GFRA1: variants seen among roughly 807,000 people sequenced by gnomAD.
GFRA1 encodes GDNF family receptor alpha 1, also known as GDNF family receptor alpha-1.
In GFRA1, 16 loss-of-function variants were observed where a neutral mutation model predicts 51.6. The ratio of observed to expected loss-of-function variants is 0.31; its 90% CI spans 0.21 to 0.47. The LOEUF (loss-of-function observed/expected upper bound fraction) is 0.47, where lower values mean the gene tolerates loss of function less well. GFRA1 is among the 20% of genes least tolerant of loss of function. The pLI is 1.00. For missense variants in GFRA1, 530 were observed against 594.3 expected (o/e 0.89, Z 1.13); for synonymous variants, 270 against 241.3 (o/e 1.12, Z -1.10).
chr10:116,158,607 GA>G (rs988278072), intron 5 of GFRA1, among the ~76,000 whole-genome samples: 1 of 152,208 alleles, frequency 6.6e-6, no homozygotes. Flanking sequence ...TTATTCCAGA[GA>G]AAAAGCCAGC....
chr10:116,207,683 G>A (rs780487550), intron 5 of GFRA1, among the ~76,000 whole-genome samples: 1 of 152,042 alleles, frequency 6.6e-6, no homozygotes, highest in Non-Finnish European at 1.5e-5. Flanking sequence ...CAGAAAAGTG[G>A]CTTTTTAAAA....
In GFRA1 at chr10:116,060,298, C is replaced by A. The variant is rs965292821; in HGVS notation, c.*4100G>T. 1.3e-5 allele frequency: 2 copies of A among 152,148 alleles called. No homozygotes were observed. Among genetic ancestry groups the A allele is most frequent in the African/African-American group, 4.8e-5 (2 of 41,440 alleles). The allele number at this position is 152,148 out of a possible 1,614,324, so 9.4% of individuals were successfully genotyped here. ...AAATGTAGCTTCTAAGGGTATCCAACCAAATCCCCACTTGTTTTATTTTAG... is the reference window on the plus strand; with the variant it reads ...AAATGTAGCTTCTAAGGGTATCCAAACAAATCCCCACTTGTTTTATTTTAG... On this transcript the variant is annotated 3_prime_UTR_variant, in exon 11 of 11. Transcript: ENST00000355422.
intron 6 of GFRA1, among the ~76,000 whole-genome samples, chr10:116,109,330 A>G (rs886900902): frequency 1.3e-5 from 2 of 152,186 alleles, no homozygotes; most frequent in Non-Finnish European, 2.9e-5. Flanking sequence ...TTTAATGTGA[A>G]GTATGTGCTG....
rs1954765295 is a variant in GFRA1, at chr10:116,060,668, A to G, written c.*3730T>C. 6.6e-6 allele frequency: 1 copy of G among 152,198 alleles called. No individual in the cohort carries two copies. Among genetic ancestry groups the G allele is most frequent in the Non-Finnish European group, 1.5e-5 (1 of 68,036 alleles). The allele number at this position is 152,198 out of a possible 1,614,324, so 9.4% of individuals were successfully genotyped here. A position where few individuals can be genotyped will look rare whatever the true frequency, so the allele number is the denominator to read the frequency against. ...GTCACATAGTCTGATGTGCTTTATC[A>G]AAGAACAGAGGCAAGAGCAAGACAG... On this transcript the variant is annotated 3_prime_UTR_variant, in exon 11 of 11. Transcript: ENST00000355422.
intron 6 of GFRA1, among the ~76,000 whole-genome samples, chr10:116,099,670 C>A (rs544283584): frequency 1.3e-5 from 2 of 152,260 alleles, no homozygotes; most frequent in South Asian, 4.1e-4. Flanking sequence ...GGATTCCTGT[C>A]CATCCCACTG....
chr10:116,176,546 A>G (rs537634513), intron 5 of GFRA1, among the ~76,000 whole-genome samples: 6 of 151,878 alleles, frequency 4.0e-5, no homozygotes, highest in Non-Finnish European at 8.8e-5. Context: ...ACCTTCTGCC[A>G]TGATTGAAAG....
chr10:116,249,706 T>TAC, intron 4 of GFRA1, among the ~76,000 whole-genome samples: 1 of 152,284 alleles, frequency 6.6e-6, no homozygotes, highest in Admixed American at 6.5e-5. Context: ...TTACTATGCA[T>TAC]TTGTTCACTC....
chr10:116,159,061 A>T (rs1045751932), intron 5 of GFRA1, among the ~76,000 whole-genome samples: 5 of 152,188 alleles, frequency 3.3e-5, no homozygotes, highest in East Asian at 1.9e-4. Flanking sequence ...CATTTTTTTT[A>T]AAAAGTGCCA....
At chr10:116,146,891 A>G (rs944433189) in intron 5 of GFRA1, among the ~76,000 whole-genome samples, 3 of 152,198 alleles carry the variant, frequency 2.0e-5, no homozygotes, top group African/African-American at 7.2e-5. Context: ...ATTCATGTAA[A>G]TGCACTACAA....
At chr10:116,203,480 A>T (rs759876506) in intron 5 of GFRA1, among the ~76,000 whole-genome samples, 1 of 152,224 alleles carries the variant, frequency 6.6e-6, no homozygotes, top group Non-Finnish European at 1.5e-5. Flanking sequence ...CCTTCACAGC[A>T]GGTCTCCAAA....
chr10:116,250,665 C>T (rs1200916256), intron 4 of GFRA1, among the ~76,000 whole-genome samples: 5 of 152,124 alleles, frequency 3.3e-5, no homozygotes, highest in Non-Finnish European at 5.9e-5. Context: ...TCTCAGAATT[C>T]TAGGATAGTG....
chr10:116,064,624 C>CG lies in GFRA1; in HGVS notation c.1252-81dup, dbSNP rs549252248. 7.6e-4 allele frequency: 1,001 copies of CG among 1,308,794 alleles called. 13 individuals carry two copies. In the South Asian group the frequency reaches 8.9e-3, roughly 12 times the overall value. 81.1% of individuals were successfully genotyped at this position (1,308,794 alleles called of 1,614,324 possible). A position where few individuals can be genotyped will look rare whatever the true frequency, so the allele number is the denominator to read the frequency against. ...GTATACTTTACACTCTCTCTCCCCC[C>CG]GACTCCCCACTGGCTGACCCACTCA... On this transcript the variant is annotated intron_variant, in intron 10 of 10. Coordinates refer to ENST00000355422, the MANE Select transcript of GFRA1 (RefSeq NM_005264.8).
intron 4 of GFRA1, among the ~76,000 whole-genome samples, chr10:116,217,482 T>G (rs1466488437): frequency 6.7e-6 from 1 of 149,808 alleles, no homozygotes; most frequent in Non-Finnish European, 1.5e-5. Context: ...TTAAACTCTA[T>G]GAGTCTTCAT....
chr10:116,247,248 G>A (rs1275203586), intron 4 of GFRA1, among the ~76,000 whole-genome samples: 1 of 152,128 alleles, frequency 6.6e-6, no homozygotes, highest in African/African-American at 2.4e-5. Context: ...CAATTCATCA[G>A]TATGACCTGT....
At chr10:116,267,932 G>T (rs1049518727) in intron 4 of GFRA1, among the ~76,000 whole-genome samples, 2 of 108,112 alleles carry the variant, frequency 1.8e-5, no homozygotes, top group African/African-American at 6.7e-5. Context: ...AAAACAGACT[G>T]ACAGACTAAC....
rs1358977403 is a variant in GFRA1, at chr10:116,057,200, T to A, written c.*7198A>T. ...GCTCCGGTGTCCTCTGGAAAGCAGA[T>A]ACACAGGACGATGGACAAATGTGTC... On this transcript the variant is annotated 3_prime_UTR_variant, in exon 11 of 11. Coordinates refer to ENST00000355422, the MANE Select transcript of GFRA1 (RefSeq NM_005264.8). 3.9e-5 allele frequency: 6 copies of A among 152,104 alleles called. No individual in the cohort carries two copies. Among genetic ancestry groups the A allele is most frequent in the Admixed American group, 3.9e-4 (6 of 15,282 alleles). The allele number at this position is 152,104 out of a possible 1,614,324, so 9.4% of individuals were successfully genotyped here.
intron 9 of GFRA1, among the ~76,000 whole-genome samples, chr10:116,081,951 T>C (rs1418469937): frequency 6.6e-6 from 1 of 152,202 alleles, no homozygotes; most frequent in East Asian, 1.9e-4. Context: ...TATAAATAAG[T>C]ATAGCTCATA....
intron 4 of GFRA1, among the ~76,000 whole-genome samples, chr10:116,232,128 G>A (rs7096877): frequency 0.35 from 53,392 of 152,000 alleles, 9,804 homozygotes; most frequent in African/African-American, 0.45. Context: ...TAAGAGTGCC[G>A]CCCTTTTATG....
intron 5 of GFRA1, among the ~76,000 whole-genome samples, chr10:116,177,437 C>T (rs1243099307): frequency 2.0e-5 from 3 of 152,132 alleles, no homozygotes; most frequent in African/African-American, 7.2e-5. Context: ...AGCAACAGGG[C>T]AGGCCTTGGG....
Sources: allele counts gnomAD v4.1 joint callset (sites outside exome capture counted in the v4.1 genomes callset), GRCh38; gene constraint gnomAD v4.1.1; transcripts MANE v1.5; gene names NCBI Gene and HGNC (gene_info 2026-07-23, HGNC 2026-07-21).